Variants in SMCHD1 observed in about 807,000 individuals in gnomAD.
SMCHD1 encodes structural maintenance of chromosomes flexible hinge domain containing 1.
SMCHD1 carries 78 observed loss-of-function variants against 254.7 expected under a neutral mutation model. That is an observed-to-expected ratio of 0.31 (90% CI 0.26 to 0.37). The LOEUF (loss-of-function observed/expected upper bound fraction) is 0.37, where lower values mean the gene tolerates loss of function less well. SMCHD1 is among the 10% of genes least tolerant of loss of function. SMCHD1 has a pLI of 1.00. For missense variants in SMCHD1, 1,840 were observed against 2,408.1 expected (o/e 0.76, Z 4.94); for synonymous variants, 766 against 794.9 (o/e 0.96, Z 0.61).
intron 1 of SMCHD1, among the ~76,000 whole-genome samples, chr18:2,664,503 T>C (rs1204358665): frequency 6.6e-6 from 1 of 152,256 alleles, no homozygotes; most frequent in Non-Finnish European, 1.5e-5. Flanking sequence ...TTGTTTGTGC[T>C]CTTTTTTGGT....
At chr18:2,778,426 T>C (rs2076101646) in intron 44 of SMCHD1, among the ~76,000 whole-genome samples, 187 bp downstream of exon 44, 1 of 152,204 alleles carries the variant, frequency 6.6e-6, no homozygotes, top group Non-Finnish European at 1.5e-5. Flanking sequence ...AATAGATGTT[T>C]TGGGGCTACG....
At chr18:2,675,562 C>A (rs2073727684) in intron 5 of SMCHD1, among the ~76,000 whole-genome samples, 1 of 152,100 alleles carries the variant, frequency 6.6e-6, no homozygotes, top group Non-Finnish European at 1.5e-5. Context: ...TGCACCTGGC[C>A]TAGATTTCTC....
intron 12 of SMCHD1, among the ~76,000 whole-genome samples, chr18:2,701,474 C>A (rs1396531395): frequency 6.6e-6 from 1 of 152,064 alleles, no homozygotes; most frequent in African/African-American, 2.4e-5. Flanking sequence ...ATCTTAATAT[C>A]TAGCCCTTGA....
chr18:2,789,131 C>G (rs1039206820), intron 45 of SMCHD1, among the ~76,000 whole-genome samples: 3 of 152,132 alleles, frequency 2.0e-5, no homozygotes, highest in Non-Finnish European at 4.4e-5. Flanking sequence ...AGGTGATCCT[C>G]CCACCTTAGC....
intron 5 of SMCHD1, among the ~76,000 whole-genome samples, chr18:2,674,752 T>G (rs1243818509): frequency 6.6e-6 from 1 of 152,230 alleles, no homozygotes; most frequent in African/African-American, 2.4e-5. Flanking sequence ...TAAGCTATGT[T>G]GCTCTACTTC....
intron 14 of SMCHD1, 21 bp from the exon 15 acceptor site, chr18:2,706,343 T>A (rs745432515): frequency 6.8e-7 from 1 of 1,465,038 alleles, no homozygotes; most frequent in Non-Finnish European, 9.2e-7. Flanking sequence ...CTTTGAAATG[T>A]TGGTAAATGT....
intron 12 of SMCHD1, chr18:2,702,136 T>G (rs1049103926): frequency 6.6e-6 from 1 of 152,030 alleles, no homozygotes; most frequent in African/African-American, 2.4e-5. Flanking sequence ...TACACTGTAC[T>G]TTTAAAATAT....
intron 36 of SMCHD1, among the ~76,000 whole-genome samples, chr18:2,762,500 T>C (rs2075804067): frequency 6.6e-6 from 1 of 150,786 alleles, no homozygotes; most frequent in Admixed American, 6.6e-5. Context: ...ACCTTTTTTT[T>C]TTTTTTTTTT....
rs533707840 is a variant in SMCHD1, at chr18:2,800,190, T to G, written c.5994-2338T>G. Among the ~76,000 whole-genome samples the G allele has an allele frequency of 7.0e-4, 107 of 151,854 alleles. 1 individual carries two copies. The highest frequency in any genetic ancestry group is 2.6e-3 in the African/African-American group (107 of 41,388). On this transcript the variant is annotated intron_variant, in intron 47 of 47. Transcript: ENST00000320876. ...GAGAAGTCCAGCAACTCTCCCTGTT[T>G]GGGAGTCCTGTCTCCCAAACAGGGA... is the stretch of plus-strand genomic sequence containing the variant.
intron 45 of SMCHD1, chr18:2,784,945 C>T: frequency 3.0e-6 from 1 of 335,958 alleles, no homozygotes; most frequent in Non-Finnish European, 5.6e-6. Context: ...GACTCCATCT[C>T]TTAAAAAAAA....
chr18:2,777,745 CT>C (rs1436971817), intron 42 of SMCHD1, 60 bp from the exon 43 acceptor site: 183 of 905,276 alleles, frequency 2.0e-4, no homozygotes, highest in Non-Finnish European at 4.0e-5. Flanking sequence ...TCCATATTGT[CT>C]TTTTTTAAAT....
At chr18:2,788,837 A>G (rs2076277424) in intron 45 of SMCHD1, among the ~76,000 whole-genome samples, 1 of 152,082 alleles carries the variant, frequency 6.6e-6, no homozygotes, top group African/African-American at 2.4e-5. Flanking sequence ...CCCTCAAGTG[A>G]TCTGCCCACT....
At chr18:2,726,046 A>C (rs2075021597) in intron 21 of SMCHD1, among the ~76,000 whole-genome samples, 1 of 151,834 alleles carries the variant, frequency 6.6e-6, no homozygotes, top group Non-Finnish European at 1.5e-5. Context: ...ACCAATATGG[A>C]GTACCACATT....
At chr18:2,669,086 C>A (rs1185986796) in intron 3 of SMCHD1, among the ~76,000 whole-genome samples, 1 of 151,930 alleles carries the variant, frequency 6.6e-6, no homozygotes, top group South Asian at 2.1e-4. Context: ...TAGCTCATAC[C>A]TGTAATCCCA....
At position 2,777,856 on chromosome 18, in the gene SMCHD1, A is replaced by T. The variant is rs1479748403; in HGVS notation, c.5417A>T (p.Asp1806Val). 41 of 1,552,226 alleles carry T rather than the reference A, an allele frequency of 2.6e-5. No homozygotes were observed. Among genetic ancestry groups the T allele is most frequent in the Non-Finnish European group, 3.6e-5 (41 of 1,146,544 alleles). ...AAATTGTATTTTAAACCCATTGGAG[A>T]TCCAGTCTTTGCTCGAGACTTGTTA... The part of the protein sequence containing the change: ...NGKLYFKPIG[D>V]PVFARDLLTF... Residue 1806 changes from aspartate to valine, a missense_variant, in exon 43 of 48, where the codon GAT becomes GTT. Physicochemically the swap from Asp to Val is radical, Grantham distance 152 (BLOSUM62 -3). Coordinates refer to ENST00000320876, the MANE Select transcript of SMCHD1 (RefSeq NM_015295.3).
chr18:2,729,635 G>A (rs773025121), intron 24 of SMCHD1, among the ~76,000 whole-genome samples: 7 of 150,628 alleles, frequency 4.6e-5, no homozygotes, highest in Non-Finnish European at 8.9e-5. Context: ...CTTTTATAGT[G>A]TCTATAACTA....
At chr18:2,793,656 C>CAAAAAAAAAAAAAAAAAAAAAAAAAA (rs1277905569) in intron 45 of SMCHD1, among the ~76,000 whole-genome samples, 4 of 43,900 alleles carry the variant, frequency 9.1e-5, no homozygotes, top group East Asian at 7.6e-4. Context: ...GACTCCGTCT[C>CAAAAAAAAAAAAAAAAAAAAAAAAAA]AAAAAAAAAA....
chr18:2,780,191 A>G lies in SMCHD1; in HGVS notation c.5547+1952A>G, dbSNP rs578145888. Among the ~76,000 whole-genome samples, 13 of 130,784 alleles carry G rather than the reference A, an allele frequency of 9.9e-5. No individual in the cohort carries two copies. In the South Asian group the frequency reaches 3.5e-3, roughly 36 times the overall value. The allele number at this position is 130,784 out of a possible 152,430, so 85.8% of individuals were successfully genotyped here. ...GAGGTGGAGGTTGCAGTGAGCTGAG[A>G]TCATGCCACTGCACTCCAGTCCGGG... On this transcript the variant is annotated intron_variant, in intron 44 of 47. Coordinates refer to ENST00000320876, the MANE Select transcript of SMCHD1 (RefSeq NM_015295.3).
chr18:2,788,000 C>T (rs375559314), intron 45 of SMCHD1, among the ~76,000 whole-genome samples: 4 of 152,262 alleles, frequency 2.6e-5, no homozygotes, highest in African/African-American at 7.2e-5. Flanking sequence ...AACTTAACTC[C>T]CACCAGTCCT....
Sources: allele counts gnomAD v4.1 joint callset (sites outside exome capture counted in the v4.1 genomes callset), GRCh38; gene constraint gnomAD v4.1.1; transcripts MANE v1.5; gene names NCBI Gene and HGNC (gene_info 2026-07-23, HGNC 2026-07-21).